JPT2: variants seen among roughly 807,000 people sequenced by gnomAD.
The protein encoded by JPT2 is Jupiter microtubule associated homolog 2.
In JPT2, 9 loss-of-function variants were observed where a neutral mutation model predicts 15.9. The observed-to-expected ratio is 0.57, with a 90% CI of 0.34 to 0.99. The LOEUF (loss-of-function observed/expected upper bound fraction) is 0.99, where lower values mean the gene tolerates loss of function less well. Among genes scored for constraint, JPT2 ranks in the 50% least tolerant of loss-of-function variants. The pLI, the probability that JPT2 is intolerant of heterozygous loss-of-function variation, is 0.02. For synonymous variants in JPT2, 95 were observed against 91.7 expected (o/e 1.04, Z -0.21); for missense variants, 267 against 252.1 (o/e 1.06, Z -0.40).
chr16:1,685,948 G>A, intron 2 of JPT2: 1 of 196,396 alleles, frequency 5.1e-6, no homozygotes, highest in Non-Finnish European at 1.0e-5. Context: ...CCTAGGGAGG[G>A]AGAGTGTTTT....
intron 2 of JPT2, 54 bp from the exon 3 acceptor site, chr16:1,691,789 G>T: frequency 1.3e-6 from 2 of 1,575,666 alleles, no homozygotes; most frequent in African/African-American, 1.3e-5. Context: ...GGGTGGGGTG[G>T]GGTGGGGTCC....
At chr16:1,696,999 A>G (rs2142230472) in intron 3 of JPT2, among the ~76,000 whole-genome samples, 1 of 152,330 alleles carries the variant, frequency 6.6e-6, no homozygotes, top group East Asian at 1.9e-4. Context: ...GGAGTCAAAC[A>G]CTAGATCCTT....
At chr16:1,685,391 A>G (rs1225215614) in intron 1 of JPT2, 48 bp from the exon 2 acceptor site, 2 of 1,596,826 alleles carry the variant, frequency 1.3e-6, no homozygotes, top group Non-Finnish European at 1.7e-6. Context: ...CACAGTGACA[A>G]GCTTTCAGGT....
At chr16:1,685,787 G>C (rs1567469297) in intron 2 of JPT2, 200 bp downstream of exon 2, 9 of 520,922 alleles carry the variant, frequency 1.7e-5, no homozygotes, top group Non-Finnish European at 2.9e-5. Flanking sequence ...TTCTCCATCT[G>C]TTCTGGAGAC....
intron 3 of JPT2, among the ~76,000 whole-genome samples, chr16:1,693,047 G>A (rs1051288975): frequency 6.6e-6 from 1 of 152,168 alleles, no homozygotes; most frequent in Non-Finnish European, 1.5e-5. Flanking sequence ...AGTGTATAGA[G>A]TCTTATATAG....
At chr16:1,693,471 T>A (rs762330967) in intron 3 of JPT2, among the ~76,000 whole-genome samples, 1 of 152,166 alleles carries the variant, frequency 6.6e-6, no homozygotes, top group Non-Finnish European at 1.5e-5. Flanking sequence ...AGGTGAACTT[T>A]GGCAAGACCA....
chr16:1,698,299 A>G lies in JPT2; in HGVS notation c.385+439A>G, dbSNP rs191434624. Among the ~76,000 whole-genome samples the G allele has an allele frequency of 1.3e-5, 2 of 152,216 alleles. No individual in the cohort carries two copies. The highest frequency in any genetic ancestry group is 4.8e-5 in the African/African-American group (2 of 41,460). ...TGAGCGGCAGACTTCGACTCTCCCC[A>G]CGGCTCTTTAGCCTGACCATGGGCA... On this transcript the variant is annotated intron_variant, in intron 4 of 4. Coordinates refer to ENST00000248098, the MANE Select transcript of JPT2 (RefSeq NM_144570.3). The surrounding 1 kb of genome is among the most constrained non-coding windows in gnomAD (Gnocchi z 4.9).
rs371799947 is a variant in JPT2 at position 1,698,191 on chromosome 16, A to G, written c.385+331A>G. On this transcript the variant is annotated intron_variant, in intron 4 of 4. Transcript: ENST00000248098. This position sits in a 1 kb window ranked among gnomAD's most constrained non-coding sequence, Gnocchi z 4.9. ...AGCTGGCAGAACTAATCGAGAAGAGAGGGGCACAAGAGAGGGATGGAGGAT... is the reference window on the plus strand; with the variant it reads ...AGCTGGCAGAACTAATCGAGAAGAGGGGGGCACAAGAGAGGGATGGAGGAT... Among the ~76,000 whole-genome samples, 4 of 152,124 alleles carry G rather than the reference A, an allele frequency of 2.6e-5. No individual in the cohort carries two copies. The highest frequency in any genetic ancestry group is 9.7e-5 in the African/African-American group (4 of 41,410).
At chr16:1,692,576 C>A (rs1287326814) in intron 3 of JPT2, 1 of 155,996 alleles carries the variant, frequency 6.4e-6, no homozygotes, top group Non-Finnish European at 1.4e-5. Flanking sequence ...GCTGCAGCCT[C>A]CCTGGGCTAT....
chr16:1,688,736 CA>C (rs2037084724), intron 2 of JPT2: 1 of 152,052 alleles, frequency 6.6e-6, no homozygotes, highest in Non-Finnish European at 1.5e-5. Flanking sequence ...TTTTTAAAAA[CA>C]AAATAACACA....
At chr16:1,685,192 G>A (rs943946887) in intron 1 of JPT2, among the ~76,000 whole-genome samples, 1 of 151,944 alleles carries the variant, frequency 6.6e-6, no homozygotes, top group Non-Finnish European at 1.5e-5. Context: ...GCCAGCTGTG[G>A]TGGTGGGTGC....
Position 1,699,127 on chromosome 16 carries a change from C to A in JPT2, c.*129C>A. 1 of 957,190 alleles carries A rather than the reference C, an allele frequency of 1.0e-6. No individual in the cohort carries two copies. The highest frequency in any genetic ancestry group is 1.6e-6 in the Non-Finnish European group (1 of 610,328). The allele number at this position is 957,190 out of a possible 1,614,324, so 59.3% of individuals were successfully genotyped here. A position where few individuals can be genotyped will look rare whatever the true frequency, so the allele number is the denominator to read the frequency against. On this transcript the variant is annotated 3_prime_UTR_variant, in exon 5 of 5. Transcript: ENST00000248098. ...GTCTTATGTGAGCCTGGCTGCTCAG[C>A]GTCTCCTGGCCGTCATGACAGCTGC...
chr16:1,687,768 A>G (rs1453713636), intron 2 of JPT2, among the ~76,000 whole-genome samples: 2 of 152,172 alleles, frequency 1.3e-5, no homozygotes, highest in Admixed American at 6.5e-5. Flanking sequence ...TGCTCTTGGA[A>G]GACGGTTTAT....
chr16:1,690,453 A>C (rs2037096813), intron 2 of JPT2: 1 of 152,184 alleles, frequency 6.6e-6, no homozygotes, highest in South Asian at 2.1e-4. Context: ...ACTTCAGAAC[A>C]CTGACTCCAT....
chr16:1,682,150 C>T (rs577970370), intron 1 of JPT2, among the ~76,000 whole-genome samples: 4 of 151,912 alleles, frequency 2.6e-5, no homozygotes, highest in East Asian at 1.9e-4. Context: ...CCGAGGCGGG[C>T]GGATCACTTG....
chr16:1,700,069 T>C lies in JPT2; in HGVS notation c.*1071T>C. ...GACTCTGGTCTGTTTCTGACACCTT[T>C]CCAGAAAAAAGTCAATTGTTCAGGT... On this transcript the variant is annotated 3_prime_UTR_variant, in exon 5 of 5. Coordinates refer to ENST00000248098, the MANE Select transcript of JPT2 (RefSeq NM_144570.3). 1 of 442,616 alleles carries C rather than the reference T, an allele frequency of 2.3e-6. No individual in the cohort carries two copies. The highest frequency in any genetic ancestry group is 1.6e-5 in the South Asian group (1 of 63,836). 27.4% of individuals were successfully genotyped at this position (442,616 alleles called of 1,614,324 possible).
At position 1,701,280 on chromosome 16, in the gene JPT2, C is replaced by T. The variant is rs148675191; in HGVS notation, c.*2282C>T. The T allele has an allele frequency of 3.9e-5, 6 of 152,770 alleles. No individual in the cohort carries two copies. The East Asian group carries it at 1.2e-3, about 29-fold the overall frequency. The allele number at this position is 152,770 out of a possible 1,614,324, so 9.5% of individuals were successfully genotyped here. On this transcript the variant is annotated 3_prime_UTR_variant, in exon 5 of 5. Coordinates refer to ENST00000248098, the MANE Select transcript of JPT2 (RefSeq NM_144570.3). The stretch of plus-strand genomic sequence containing the variant: ...TAAGCCTTAACACTTTTCTTAAGTG[C>T]ATTCGGTGCCAACATTTTTTAGAGC...
rs1252379060 is a variant in JPT2 at position 1,699,311 on chromosome 16, C to T, written c.*313C>T. The T allele has an allele frequency of 2.5e-5, 14 of 555,950 alleles. No homozygotes were observed. Among genetic ancestry groups the T allele is most frequent in the East Asian group, 4.2e-5 (1 of 23,622 alleles). The allele number at this position is 555,950 out of a possible 1,614,324, so 34.4% of individuals were successfully genotyped here. ...GGGCATGGTCCTTGGATCAACAGCC[C>T]GCCAGCTGATTGGATGTCTAGGAAT... On this transcript the variant is annotated 3_prime_UTR_variant, in exon 5 of 5. Transcript: ENST00000248098.
At position 1,699,156 on chromosome 16, in the gene JPT2, G is replaced by A; in HGVS notation, c.*158G>A. 1.3e-6 allele frequency: 1 copy of A among 784,142 alleles called. No individual in the cohort carries two copies. 48.6% of individuals were successfully genotyped at this position (784,142 alleles called of 1,614,324 possible). ...TCCTGGCCGTCATGACAGCTGCTTG[G>A]AGACCCGTGCCTTCCAGATGGCTGG... On this transcript the variant is annotated 3_prime_UTR_variant, in exon 5 of 5. Coordinates refer to ENST00000248098, the MANE Select transcript of JPT2 (RefSeq NM_144570.3).
Sources: allele counts gnomAD v4.1 joint callset (sites outside exome capture counted in the v4.1 genomes callset), GRCh38; gene constraint gnomAD v4.1.1; non-coding constraint Gnocchi (gnomAD v3.1); transcripts MANE v1.5; gene names NCBI Gene and HGNC (gene_info 2026-07-23, HGNC 2026-07-21).